Variants in TLR7 observed in about 807,000 individuals in gnomAD.
TLR7 encodes the protein toll-like receptor 7.
A neutral mutation model predicts 38.3 loss-of-function variants in TLR7; 12 were observed. The ratio of observed to expected loss-of-function variants is 0.31; its 90% CI spans 0.20 to 0.51. TLR7 has a LOEUF of 0.51. TLR7 is among the 20% of genes least tolerant of loss of function. The pLI, the probability that TLR7 is intolerant of heterozygous loss-of-function variation, is 0.98. For missense variants in TLR7, 504 were observed against 743.4 expected (o/e 0.68, Z 3.74); for synonymous variants, 285 against 293.8 (o/e 0.97, Z 0.31).
At chrX:12,869,504 G>A (rs5743722) in intron 2 of TLR7, among the ~76,000 whole-genome samples, 2,232 of 110,859 alleles carry the variant, frequency 0.02, 65 homozygotes, top group African/African-American at 0.069. Flanking sequence ...ACCAAACACC[G>A]CATGTTCTCA....
intron 2 of TLR7, among the ~76,000 whole-genome samples, chrX:12,878,944 T>A (rs1183984476): frequency 3.6e-5 from 4 of 112,202 alleles, no homozygotes; most frequent in South Asian, 3.7e-4. Context: ...TGGGGTAAAC[T>A]ACAGTAGAAG....
Position 12,867,702 on chromosome X carries a change from G to C in TLR7, c.3+121G>C, listed in dbSNP as rs370277798. On this transcript the variant is annotated intron_variant, in intron 2 of 2. Transcript: ENST00000380659. Reference sequence around the variant, plus strand: ...CTTAGGTTATTTGCTGGGGGAAAGTGCTTCCTGATATTTCACAATTGGCAT... The same window carrying C: ...CTTAGGTTATTTGCTGGGGGAAAGTCCTTCCTGATATTTCACAATTGGCAT... 4.6e-4 allele frequency: 318 copies of C among 683,933 alleles called. 9 individuals are homozygous for C. The South Asian group carries it at 8.0e-3, about 17-fold the overall frequency. The allele number at this position is 683,933 out of a possible 1,213,427, so 56.4% of individuals were successfully genotyped here. A position where few individuals can be genotyped will look rare whatever the true frequency, so the allele number is the denominator to read the frequency against.
chrX:12,878,902 C>T (rs1634320), intron 2 of TLR7, among the ~76,000 whole-genome samples: 8,216 of 111,802 alleles, frequency 0.073, 269 homozygotes, highest in Middle Eastern at 0.11. Flanking sequence ...TAAGTTGCTG[C>T]TTTGTCTGTA....
chrX:12,879,762 T>C (rs2042884776), intron 2 of TLR7, among the ~76,000 whole-genome samples: 1 of 111,943 alleles, frequency 8.9e-6, no homozygotes, highest in South Asian at 3.7e-4. Flanking sequence ...TAGCCACACT[T>C]AGCTGCAAGT....
intron 2 of TLR7, chrX:12,877,539 G>C (rs1200269594): frequency 9.1e-6 from 1 of 110,308 alleles, no homozygotes; most frequent in Non-Finnish European, 1.9e-5. Flanking sequence ...GCCAAGAGAT[G>C]TTTTGTTTGG....
chrX:12,867,343 T>C, intron 1 of TLR7, 138 bp from the exon 2 acceptor site: 1 of 306,097 alleles, frequency 3.3e-6, no homozygotes, highest in Non-Finnish European at 5.9e-6. Flanking sequence ...ATGTCTCCAG[T>C]CTACCTAACT....
intron 2 of TLR7, among the ~76,000 whole-genome samples, chrX:12,869,019 A>T (rs187777487): frequency 9.0e-6 from 1 of 111,687 alleles, no homozygotes; most frequent in East Asian, 2.8e-4. Context: ...TTTTGGCCTC[A>T]AAGTAGCCCT....
rs899161308 is a variant in TLR7, at chrX:12,888,234, T to C, written c.2726T>C (p.Leu909Ser). 55 of 1,209,935 alleles carry C rather than the reference T, an allele frequency of 4.5e-5. No homozygotes were observed. Among genetic ancestry groups the C allele is most frequent in the Non-Finnish European group, 5.9e-5 (53 of 895,277 alleles). The change falls in exon 3 of 3, where the codon TTG becomes TCG. Residue 909 changes from leucine (L) to serine (S), a missense_variant. Transcript: ENST00000380659. ...TKDPAVTEWV[L>S]AELVAKLEDP... is the part of the protein sequence containing the mutation. ...GACCCAGCTGTGACCGAGTGGGTTT[T>C]GGCTGAGCTGGTGGCCAAACTGGAA...
intron 2 of TLR7, among the ~76,000 whole-genome samples, chrX:12,883,183 T>C (rs1054562575): frequency 5.3e-5 from 6 of 112,396 alleles, no homozygotes; most frequent in African/African-American, 1.9e-4. Flanking sequence ...AGTGAACATT[T>C]TTCCTAAATC....
At chrX:12,873,462 A>G (rs1278167131) in intron 2 of TLR7, among the ~76,000 whole-genome samples, 1 of 112,566 alleles carries the variant, frequency 8.9e-6, no homozygotes, top group Non-Finnish European at 1.9e-5. Flanking sequence ...AGTACCTGGC[A>G]TGTTGCAGGC....
Position 12,885,882 on chromosome X carries a change from G to T in TLR7, c.374G>T (p.Gly125Val), listed in dbSNP as rs1461048823. Residue 125 changes from glycine (G) to valine (V), a missense_variant, in exon 3 of 3, where the codon GGA (glycine) becomes GTA (valine). Transcript: ENST00000380659. ...RLQIKPRSFS[G>V]LTYLKSLYLD... ...CAGATTAAACCCAGAAGCTTTAGTGGACTCACTTATTTAAAATCCCTTTAC... is the reference window on the plus strand; with the variant it reads ...CAGATTAAACCCAGAAGCTTTAGTGTACTCACTTATTTAAAATCCCTTTAC... The T allele has an allele frequency of 2.5e-6, 3 of 1,211,777 alleles. No homozygotes were observed. The Admixed American group carries it at 6.5e-5, about 26-fold the overall frequency.
At chrX:12,874,490 A>G (rs2042864023) in intron 2 of TLR7, among the ~76,000 whole-genome samples, 1 of 111,448 alleles carries the variant, frequency 9.0e-6, no homozygotes, top group South Asian at 3.8e-4. Context: ...CTGAGGTTCC[A>G]GGGGGTTATG....
chrX:12,871,544 C>G (rs1315393783), intron 2 of TLR7, among the ~76,000 whole-genome samples: 1 of 112,247 alleles, frequency 8.9e-6, no homozygotes, highest in African/African-American at 3.2e-5. Flanking sequence ...TCTCCCAGAC[C>G]CCCGCTGCAG....
In TLR7 at chrX:12,867,466, T is replaced by G; in HGVS notation, c.-98-15T>G. On this transcript the variant is annotated splice_polypyrimidine_tract_variant and intron_variant, in intron 1 of 2. Coordinates refer to ENST00000380659, the MANE Select transcript of TLR7 (RefSeq NM_016562.4). ...TCTTTGAAATGTAAACTTTGATGTCTTCTCTTTCTCTTAGTTGATGCTATT... is the reference window on the plus strand; with the variant it reads ...TCTTTGAAATGTAAACTTTGATGTCGTCTCTTTCTCTTAGTTGATGCTATT... 1.6e-6 allele frequency: 1 copy of G among 644,761 alleles called. No homozygotes were observed. Among genetic ancestry groups the G allele is most frequent in the Non-Finnish European group, 2.5e-6 (1 of 400,144 alleles). The allele number at this position is 644,761 out of a possible 1,213,427, so 53.1% of individuals were successfully genotyped here. A position where few individuals can be genotyped will look rare whatever the true frequency, so the allele number is the denominator to read the frequency against.
intron 2 of TLR7, among the ~76,000 whole-genome samples, chrX:12,870,662 T>C (rs1304040192): frequency 1.8e-5 from 2 of 112,103 alleles, no homozygotes; most frequent in African/African-American, 6.5e-5. Flanking sequence ...CTAAGGGGTT[T>C]TTTTTTAATT....
At chrX:12,881,589 TTTA>T (rs1227166587) in intron 2 of TLR7, among the ~76,000 whole-genome samples, 4 of 108,839 alleles carry the variant, frequency 3.7e-5, no homozygotes, top group African/African-American at 1.3e-4. Flanking sequence ...AACTGAGTTA[TTTA>T]TTCTTTTTTT....
At chrX:12,874,298 C>T (rs1276546658) in intron 2 of TLR7, among the ~76,000 whole-genome samples, 2 of 110,726 alleles carry the variant, frequency 1.8e-5, no homozygotes, top group African/African-American at 6.6e-5. Context: ...CCAGCCTGGG[C>T]GACAGAGTGA....
intron 2 of TLR7, among the ~76,000 whole-genome samples, chrX:12,874,210 C>G (rs775980991): frequency 1.8e-5 from 2 of 110,557 alleles, no homozygotes; most frequent in African/African-American, 6.6e-5. Context: ...ATCCCAGATA[C>G]TCAGGAGGCT....
In TLR7 at chrX:12,888,526, G is replaced by A; in HGVS notation, c.3018G>A (p.Arg1006=). ...QKSKFLQLRK[R]LCGSSVLEWP... is the part of the protein sequence containing the mutation. ...CCAAGTTCCTCCAGCTCCGGAAAAG[G>A]CTCTGTGGGAGTTCTGTCCTTGAGT... Residue 1006 remains arginine, a synonymous_variant, in exon 3 of 3, where the codon AGG becomes AGA. Coordinates refer to ENST00000380659, the MANE Select transcript of TLR7 (RefSeq NM_016562.4). 1.7e-6 allele frequency: 2 copies of A among 1,211,796 alleles called. No individual in the cohort carries two copies. Among genetic ancestry groups the A allele is most frequent in the East Asian group, 3.0e-5 (1 of 33,841 alleles).
Sources: allele counts gnomAD v4.1 joint callset (sites outside exome capture counted in the v4.1 genomes callset), GRCh38; gene constraint gnomAD v4.1.1; transcripts MANE v1.5; gene names NCBI Gene and HGNC (gene_info 2026-07-23, HGNC 2026-07-21).